Variants in DPP6 observed in about 807,000 individuals in gnomAD.
DPP6 encodes A-type potassium channel modulatory protein DPP6.
In DPP6, 69 loss-of-function variants were observed where a neutral mutation model predicts 122.6. That is an observed-to-expected ratio of 0.56 (90% CI 0.46 to 0.69). The LOEUF is 0.69. Ranked by LOEUF, DPP6 falls within the 30% of genes least tolerant of loss-of-function variation. The probability of loss-of-function intolerance (pLI) is 0.00; values close to 1 mark genes in which losing one functional copy is unlikely to be tolerated. For missense variants in DPP6, 928 were observed against 1,116.9 expected (o/e 0.83, Z 2.41); for synonymous variants, 418 against 433.1 (o/e 0.97, Z 0.43).
At chr7:154,255,800 G>A (rs74440725) in intron 1 of DPP6, among the ~76,000 whole-genome samples, 5,932 of 152,250 alleles carry the variant, frequency 0.039, 191 homozygotes, top group East Asian at 0.13. Context: ...CTACATAGTA[G>A]ACACTTAAAA....
At chr7:154,093,900 T>C (rs1189262521) in intron 1 of DPP6, 1 of 152,214 alleles carries the variant, frequency 6.6e-6, no homozygotes, top group African/African-American at 2.4e-5. Flanking sequence ...GAGTCCCGTG[T>C]GTGCCCCTTA....
chr7:154,051,418 C>A (rs1800306207), upstream of DPP6, among the ~76,000 whole-genome samples: 1 of 151,132 alleles, frequency 6.6e-6, no homozygotes. Flanking sequence ...GAGAGGAGTG[C>A]AGAAGGGAGC....
chr7:154,762,146 T>A (rs1332982808), intron 8 of DPP6, among the ~76,000 whole-genome samples: 10 of 152,114 alleles, frequency 6.6e-5, no homozygotes, highest in Admixed American at 6.5e-4. Flanking sequence ...AGAATGACAA[T>A]TCAACATGAG....
intron 1 of DPP6, among the ~76,000 whole-genome samples, chr7:154,113,433 A>G (rs1382956698): frequency 6.6e-6 from 1 of 150,738 alleles, no homozygotes; most frequent in Non-Finnish European, 1.5e-5. Flanking sequence ...ACACACACAT[A>G]CACACAACAC....
At chr7:153,907,337 T>C (rs1799893151) in intron 1 of DPP6, among the ~76,000 whole-genome samples, 1 of 152,132 alleles carries the variant, frequency 6.6e-6, no homozygotes, top group South Asian at 2.1e-4. Context: ...CACAGCTGGA[T>C]TGTTCAGTTT....
intron 1 of DPP6, among the ~76,000 whole-genome samples, chr7:154,296,715 C>T (rs1165005121): frequency 6.6e-6 from 1 of 152,248 alleles, no homozygotes; most frequent in African/African-American, 2.4e-5. Context: ...CATGATGCAC[C>T]TGTTTATTCA....
chr7:153,975,471 C>T (rs368538662), intron 1 of DPP6, among the ~76,000 whole-genome samples: 2,195 of 150,440 alleles, frequency 0.015, 41 homozygotes, highest in African/African-American at 0.035. Flanking sequence ...GCAAGTTTCA[C>T]AGCAAGTCTC....
chr7:154,203,204 A>G (rs1176839709), intron 1 of DPP6, among the ~76,000 whole-genome samples: 2 of 152,232 alleles, frequency 1.3e-5, no homozygotes, highest in South Asian at 4.1e-4. Context: ...GTTTGCAGCT[A>G]GCATTTAGAG....
chr7:154,018,321 G>A (rs564664404), intron 1 of DPP6, among the ~76,000 whole-genome samples: 82 of 152,164 alleles, frequency 5.4e-4, no homozygotes, highest in African/African-American at 2.0e-3. Context: ...CAATAAGGGG[G>A]TGAAAAATGG....
chr7:154,290,360 G>A (rs762075846), intron 1 of DPP6, among the ~76,000 whole-genome samples: 12 of 151,772 alleles, frequency 7.9e-5, no homozygotes, highest in African/African-American at 1.5e-4. Flanking sequence ...CTGGTATCTC[G>A]GCCCCAGTCC....
rs201703566 is a variant in DPP6, at chr7:154,187,435, CTG to C, written c.243+134374_243+134375del. 5.5e-3 allele frequency among the ~76,000 whole-genome samples: 836 copies of C among 152,266 alleles called. 9 individuals are homozygous for C. Among genetic ancestry groups the C allele is most frequent in the African/African-American group, 0.019 (772 of 41,540 alleles). On this transcript the variant is annotated intron_variant, in intron 1 of 25. Transcript: ENST00000377770. ...GACTATTTGATTTCACTAGAAAAAT[CTG>C]TAAATCTGGTTATTGGATACTGTAT...
the DPP6 span, among the ~76,000 whole-genome samples, chr7:153,861,185 C>A: frequency 6.6e-6 from 1 of 152,034 alleles, no homozygotes; most frequent in Admixed American, 6.5e-5. Flanking sequence ...AAATTTAAGG[C>A]AACGGGTTTA....
chr7:154,234,945 T>C (rs996178814), intron 1 of DPP6, among the ~76,000 whole-genome samples: 2 of 152,180 alleles, frequency 1.3e-5, no homozygotes, highest in East Asian at 3.9e-4. Context: ...TCCAAAATCT[T>C]GATACCGGAC....
rs10672276 is a variant in DPP6, at chr7:154,755,164, A to AAAG, written c.884-14253_884-14252insAAG. On this transcript the variant is annotated intron_variant, in intron 8 of 25. Coordinates refer to ENST00000377770, the MANE Select transcript of DPP6 (RefSeq NM_130797.4). This position sits in a 1 kb window ranked among gnomAD's most constrained non-coding sequence, Gnocchi z 4.7. ...AAAATAAATTAAAAAAAAAAAAAAAAGAAACTGAACACATGTCAGGAGCTG... is the reference window on the plus strand; with the variant it reads ...AAAATAAATTAAAAAAAAAAAAAAAAAAGGAAACTGAACACATGTCAGGAGCTG... Among the ~76,000 whole-genome samples the AAAG allele has an allele frequency of 1.3e-5, 2 of 151,282 alleles. No homozygotes were observed. The highest frequency in any genetic ancestry group is 2.9e-5 in the Non-Finnish European group (2 of 67,808).
At chr7:154,616,207 T>C (rs10280822) in intron 5 of DPP6, among the ~76,000 whole-genome samples, 146,128 of 152,176 alleles carry the variant, frequency 0.96, 70,447 homozygotes, top group East Asian at 1. Context: ...ATTTACAGGA[T>C]GGTCAGCTGT....
chr7:154,718,204 C>G (rs1841600068), intron 7 of DPP6, among the ~76,000 whole-genome samples: 1 of 152,304 alleles, frequency 6.6e-6, no homozygotes, highest in South Asian at 2.1e-4. Flanking sequence ...TGCAGGCTGT[C>G]TCTTCACTCT....
At chr7:154,406,064 G>T (rs1816060156) in intron 1 of DPP6, among the ~76,000 whole-genome samples, 1 of 152,056 alleles carries the variant, frequency 6.6e-6, no homozygotes, top group Admixed American at 6.5e-5. Flanking sequence ...TTATATTAAT[G>T]CTAGCTAAAG....
At chr7:154,725,696 C>A (rs6967266) in intron 7 of DPP6, among the ~76,000 whole-genome samples, 106,638 of 152,026 alleles carry the variant, frequency 0.7, 37,750 homozygotes, top group African/African-American at 0.79. Context: ...TGTCCTGCTC[C>A]CATTTCAAAA....
intron 8 of DPP6, among the ~76,000 whole-genome samples, chr7:154,751,901 C>G (rs1843413717): frequency 6.6e-6 from 1 of 152,046 alleles, no homozygotes; most frequent in South Asian, 2.1e-4. Context: ...GGAGACAGGG[C>G]AAGTCCTGGT....
Sources: gnomAD v4.1 joint callset for allele counts (sites outside exome capture counted in the v4.1 genomes callset) on GRCh38, gnomAD v4.1.1 for gene constraint, Gnocchi (gnomAD v3.1) non-coding constraint, MANE v1.5 for transcripts, NCBI Gene and HGNC (gene_info 2026-07-23, HGNC 2026-07-21) for gene names.